GYPC: variants seen among roughly 807,000 people sequenced by gnomAD.
The protein encoded by GYPC is glycophorin-C.
A neutral mutation model predicts 12.6 loss-of-function variants in GYPC; 14 were observed. The ratio of observed to expected loss-of-function variants is 1.11; its 90% CI spans 0.74 to 1.74. The LOEUF (loss-of-function observed/expected upper bound fraction) is 1.74. GYPC is among the 40% of genes most tolerant of loss of function. The pLI, the probability that GYPC is intolerant of heterozygous loss-of-function variation, is 0.00. For synonymous variants in GYPC, 78 were observed against 62.1 expected (o/e 1.26, Z -1.20); for missense variants, 225 against 172.1 (o/e 1.31, Z -1.72).
At chr2:126,683,062 AATCCC>A (rs1683191371) in intron 1 of GYPC, among the ~76,000 whole-genome samples, 1 of 152,242 alleles carries the variant, frequency 6.6e-6, no homozygotes, top group South Asian at 2.1e-4. Flanking sequence ...TCATGCCTGT[AATCCC>A]AACACTTTGG....
chr2:126,695,683 T>A (rs200934005), intron 3 of GYPC, among the ~76,000 whole-genome samples: 1 of 26,166 alleles, frequency 3.8e-5, no homozygotes, highest in East Asian at 1.6e-3. Context: ...TAGGTTAATG[T>A]TAAGTGTTCT....
At chr2:126,694,880 C>T (rs1683592911) in intron 3 of GYPC, among the ~76,000 whole-genome samples, 1 of 151,978 alleles carries the variant, frequency 6.6e-6, no homozygotes, top group African/African-American at 2.4e-5. Flanking sequence ...GCTGCCCCCT[C>T]ACTTTCAAGG....
At chr2:126,680,523 A>G (rs1018117250) in intron 1 of GYPC, 7 of 152,238 alleles carry the variant, frequency 4.6e-5, no homozygotes, top group African/African-American at 2.4e-5. Flanking sequence ...AAACTCAGGG[A>G]GCTCGAGAAG....
chr2:126,681,988 C>T (rs964966121), intron 1 of GYPC, among the ~76,000 whole-genome samples: 1 of 152,068 alleles, frequency 6.6e-6, no homozygotes, highest in Non-Finnish European at 1.5e-5. Context: ...GAGCATGGTG[C>T]GCAGGATTGC....
intron 1 of GYPC, among the ~76,000 whole-genome samples, chr2:126,669,287 C>T (rs1366929105): frequency 4.6e-5 from 7 of 152,196 alleles, no homozygotes; most frequent in African/African-American, 1.4e-4. Flanking sequence ...ACATTTGTCC[C>T]TGGTCATCAT....
chr2:126,691,127 T>C (rs535060533), intron 2 of GYPC, among the ~76,000 whole-genome samples: 3 of 152,270 alleles, frequency 2.0e-5, no homozygotes, highest in African/African-American at 4.8e-5. Flanking sequence ...AATTGTTCTA[T>C]AAAGGTGGGA....
chr2:126,669,743 C>T (rs569815901), intron 1 of GYPC, among the ~76,000 whole-genome samples: 21 of 152,206 alleles, frequency 1.4e-4, no homozygotes, highest in South Asian at 1.0e-3. Context: ...ATGAAATCCA[C>T]GGTGTTCCTT....
intron 1 of GYPC, among the ~76,000 whole-genome samples, chr2:126,679,143 C>A (rs540451960): frequency 6.6e-6 from 1 of 152,190 alleles, no homozygotes; most frequent in African/African-American, 2.4e-5. Flanking sequence ...AAGATTAGCA[C>A]GCAGCATCTG....
At chr2:126,662,208 C>T (rs1298011559) in intron 1 of GYPC, among the ~76,000 whole-genome samples, 1 of 152,162 alleles carries the variant, frequency 6.6e-6, no homozygotes, top group Admixed American at 6.5e-5. Flanking sequence ...GTTGCCAGAT[C>T]AAAACCTGAT....
chr2:126,677,277 G>GAGAGTGTGTGAGTGTGTT (rs1238854340), intron 1 of GYPC, among the ~76,000 whole-genome samples: 2 of 151,964 alleles, frequency 1.3e-5, no homozygotes, highest in Middle Eastern at 3.2e-3. Context: ...GAGTGCATGT[G>GAGAGTGTGTGAGTGTGTT]AGAGTGTGTG....
chr2:126,675,340 C>T (rs532620074), intron 1 of GYPC, among the ~76,000 whole-genome samples: 5 of 152,166 alleles, frequency 3.3e-5, no homozygotes, highest in Non-Finnish European at 5.9e-5. Flanking sequence ...GATTCAATAA[C>T]GGGGCATGTG....
At position 126,689,479 on chromosome 2, in the gene GYPC, C is replaced by G. The variant is rs565765736; in HGVS notation, c.50-776C>G. On this transcript the variant is annotated intron_variant, in intron 1 of 3. Transcript: ENST00000259254. ...CAAAAGCTCATGTTGAAATTTGGTT[C>G]CCAAGGTGGCAGTGATGGGAGGTGG... Among the ~76,000 whole-genome samples the G allele has an allele frequency of 2.0e-5, 3 of 151,644 alleles. No individual in the cohort carries two copies. The East Asian group carries it at 5.8e-4, about 29-fold the overall frequency.
chr2:126,669,659 G>A (rs1682785818), intron 1 of GYPC, among the ~76,000 whole-genome samples: 1 of 152,166 alleles, frequency 6.6e-6, no homozygotes, highest in Admixed American at 6.5e-5. Flanking sequence ...AATGAAGCTT[G>A]TCACTCACTG....
At chr2:126,659,388 C>T (rs1264550061) in intron 1 of GYPC, among the ~76,000 whole-genome samples, 1 of 152,172 alleles carries the variant, frequency 6.6e-6, no homozygotes, top group Non-Finnish European at 1.5e-5. Context: ...GAGCAACATC[C>T]GTGCTGTGGA....
intron 1 of GYPC, 64 bp from the exon 2 acceptor site, chr2:126,690,191 C>T (rs541533005): frequency 1.2e-4 from 145 of 1,229,944 alleles, no homozygotes; most frequent in Admixed American, 2.2e-4. Context: ...CAGCTTGGGC[C>T]AAGGTGCTGC....
chr2:126,660,978 C>T (rs1483010304), intron 1 of GYPC, among the ~76,000 whole-genome samples: 1 of 152,196 alleles, frequency 6.6e-6, no homozygotes, highest in Non-Finnish European at 1.5e-5. Flanking sequence ...CTTACATAAT[C>T]GGAACTTCTG....
chr2:126,676,753 G>A lies in GYPC; in HGVS notation c.50-13502G>A, dbSNP rs148734866. Among the ~76,000 whole-genome samples, 112 of 152,320 alleles carry A rather than the reference G, an allele frequency of 7.4e-4. 1 individual carries two copies. Among genetic ancestry groups the A allele is most frequent in the Non-Finnish European group, 1.2e-3 (85 of 68,036 alleles). The stretch of plus-strand genomic sequence containing the variant: ...GCTAGAAAAACACTGGGAAGATGTG[G>A]CAGAGGGGTGGTGGGGCAGGGACAG... On this transcript the variant is annotated intron_variant, in intron 1 of 3. Coordinates refer to ENST00000259254, the MANE Select transcript of GYPC (RefSeq NM_002101.5).
At chr2:126,665,627 A>G (rs1294679293) in intron 1 of GYPC, among the ~76,000 whole-genome samples, 6 of 152,176 alleles carry the variant, frequency 3.9e-5, no homozygotes, top group African/African-American at 1.4e-4. Context: ...CTCTGGGTGC[A>G]TTGATCACCT....
At chr2:126,667,293 A>T (rs1225497197) in intron 1 of GYPC, among the ~76,000 whole-genome samples, 1 of 152,258 alleles carries the variant, frequency 6.6e-6, no homozygotes, top group African/African-American at 2.4e-5. Flanking sequence ...CAGTAAAGAA[A>T]ACAGAAACAA....
Sources: allele counts gnomAD v4.1 joint callset (sites outside exome capture counted in the v4.1 genomes callset), GRCh38; gene constraint gnomAD v4.1.1; transcripts MANE v1.5; gene names NCBI Gene and HGNC (gene_info 2026-07-23, HGNC 2026-07-21).